Variants in SAMSN1 observed in about 807,000 individuals in gnomAD.
SAMSN1 encodes the protein SAM domain-containing protein SAMSN-1.
A neutral mutation model predicts 42.0 loss-of-function variants in SAMSN1; 31 were observed. That is an observed-to-expected ratio of 0.74 (90% confidence interval 0.55 to 1.00). The LOEUF is 1.00. Ranked by LOEUF, SAMSN1 falls within the 50% of genes least tolerant of loss-of-function variation. The pLI, the probability that SAMSN1 is intolerant of heterozygous loss-of-function variation, is 0.00. For missense variants in SAMSN1, 464 were observed against 439.4 expected (o/e 1.06, Z -0.50); for synonymous variants, 178 against 151.9 (o/e 1.17, Z -1.26).
At chr21:14,602,793 T>C (rs1372685801) in intron 5 of SAMSN1, among the ~76,000 whole-genome samples, 1 of 152,118 alleles carries the variant, frequency 6.6e-6, no homozygotes, top group Non-Finnish European at 1.5e-5. Flanking sequence ...GCCGTTTCCT[T>C]TCACTTTCAC....
chr21:14,524,427 T>G (rs1455556989), intron 1 of SAMSN1, among the ~76,000 whole-genome samples: 1 of 152,182 alleles, frequency 6.6e-6, no homozygotes, highest in Non-Finnish European at 1.5e-5. Flanking sequence ...TTTTAGATAA[T>G]TCTTTGTGTC....
At chr21:14,575,787 G>A (rs994621732) in intron 2 of SAMSN1, among the ~76,000 whole-genome samples, 7 of 152,176 alleles carry the variant, frequency 4.6e-5, no homozygotes, top group Non-Finnish European at 1.0e-4. Context: ...AAGAAAATGA[G>A]AATGGAATCC....
intron 2 of SAMSN1, among the ~76,000 whole-genome samples, chr21:14,624,049 G>T (rs758747976): frequency 5.3e-5 from 8 of 152,044 alleles, no homozygotes; most frequent in Non-Finnish European, 8.8e-5. Flanking sequence ...CGAAATGAAG[G>T]CAAAAAGAAA....
chr21:14,579,638 T>C (rs1054659016), intron 2 of SAMSN1, among the ~76,000 whole-genome samples: 4 of 145,332 alleles, frequency 2.8e-5, no homozygotes, highest in African/African-American at 5.1e-5. Flanking sequence ...TAGAAAATGC[T>C]CACTTTTTTT....
chr21:14,508,925 C>G lies in SAMSN1; in HGVS notation c.561+1385G>C, dbSNP rs181435710. ...TGGGTGGATCACGAGGTCAAGAGAT[C>G]GAGACCATCCTGGCCAACATGCTGA... On this transcript the variant is annotated intron_variant, in intron 5 of 7. Transcript: ENST00000400566. Among the ~76,000 whole-genome samples the G allele has an allele frequency of 5.3e-5, 8 of 151,914 alleles. No individual in the cohort carries two copies. The East Asian group carries it at 9.7e-4, about 18-fold the overall frequency.
chr21:14,585,920 A>G (rs1441104671), upstream of SAMSN1, among the ~76,000 whole-genome samples: 1 of 152,126 alleles, frequency 6.6e-6, no homozygotes. Flanking sequence ...TAATATTATT[A>G]TAAAAGGTAT....
In SAMSN1 at chr21:14,497,369, C is replaced by T. The variant is rs955968209; in HGVS notation, c.919+1073G>A. Among the ~76,000 whole-genome samples, 8 of 152,046 alleles carry T rather than the reference C, an allele frequency of 5.3e-5. No homozygotes were observed. In the East Asian group the frequency reaches 7.7e-4, roughly 15 times the overall value. ...CAGCACTTTGAGAGGCCAAGATGGGCGGATCACTTAAGATCAGGAGTTCGA... is the reference window on the plus strand; with the variant it reads ...CAGCACTTTGAGAGGCCAAGATGGGTGGATCACTTAAGATCAGGAGTTCGA... On this transcript the variant is annotated intron_variant, in intron 7 of 7. Coordinates refer to ENST00000400566, the MANE Select transcript of SAMSN1 (RefSeq NM_022136.5).
chr21:14,631,241 A>G (rs971770898), intron 2 of SAMSN1, among the ~76,000 whole-genome samples: 1 of 152,168 alleles, frequency 6.6e-6, no homozygotes, highest in Non-Finnish European at 1.5e-5. Flanking sequence ...AACACCTGCT[A>G]TTGATCATTT....
At chr21:14,494,314 T>C (rs1051902785) in intron 7 of SAMSN1, among the ~76,000 whole-genome samples, 5 of 152,136 alleles carry the variant, frequency 3.3e-5, no homozygotes, top group African/African-American at 1.2e-4. Flanking sequence ...CCAACCCTAA[T>C]GCCCATCAAT....
At chr21:14,635,730 A>C (rs1185634560) in intron 2 of SAMSN1, among the ~76,000 whole-genome samples, 1 of 152,190 alleles carries the variant, frequency 6.6e-6, no homozygotes, top group African/African-American at 2.4e-5. Context: ...GGTTTGCAGA[A>C]GGAAAGGCAA....
At chr21:14,577,238 GTATATATATATATATATATATATA>G (rs767931839) in intron 2 of SAMSN1, among the ~76,000 whole-genome samples, 12 of 28,190 alleles carry the variant, frequency 4.3e-4, no homozygotes, top group Non-Finnish European at 5.8e-4. Context: ...ATATATGTGT[GTATATATATATATATATATATATA>G]TATATATATA....
intron 2 of SAMSN1, among the ~76,000 whole-genome samples, chr21:14,633,645 A>G (rs1197748455): frequency 6.6e-6 from 1 of 152,216 alleles, no homozygotes; most frequent in Non-Finnish European, 1.5e-5. Context: ...GGACAAATGG[A>G]GCAGGGTAGT....
At chr21:14,564,861 C>T (rs2123206101) in intron 2 of SAMSN1, among the ~76,000 whole-genome samples, 2 of 152,226 alleles carry the variant, frequency 1.3e-5, no homozygotes, top group Middle Eastern at 6.8e-3. Flanking sequence ...CACTCCAAAT[C>T]CACTCAGCAG....
intron 6 of SAMSN1, 67 bp downstream of exon 6, chr21:14,500,462 T>C: frequency 1.5e-6 from 2 of 1,337,752 alleles, no homozygotes; most frequent in Admixed American, 1.8e-5. Flanking sequence ...ACACAAATAC[T>C]GATCCACTCC....
chr21:14,587,376 T>C (rs1010798554), upstream of SAMSN1, among the ~76,000 whole-genome samples: 3 of 152,208 alleles, frequency 2.0e-5, no homozygotes, highest in Non-Finnish European at 4.4e-5. Context: ...TCCTTTACTA[T>C]TTGATATTCA....
At chr21:14,622,448 C>G (rs1362778343) in intron 2 of SAMSN1, among the ~76,000 whole-genome samples, 2 of 152,196 alleles carry the variant, frequency 1.3e-5, no homozygotes, top group Admixed American at 1.3e-4. Context: ...GAGCTGAAAA[C>G]CATGGTACAA....
intron 1 of SAMSN1, among the ~76,000 whole-genome samples, chr21:14,654,992 C>A (rs933810702): frequency 6.6e-6 from 1 of 151,486 alleles, no homozygotes; most frequent in African/African-American, 2.4e-5. Context: ...CATTTAATTC[C>A]AGATGAAATT....
chr21:14,508,596 A>C (rs1002468897), intron 5 of SAMSN1, among the ~76,000 whole-genome samples: 1 of 152,194 alleles, frequency 6.6e-6, no homozygotes, highest in Non-Finnish European at 1.5e-5. Flanking sequence ...GAACACTTCT[A>C]CACTGCTGGT....
At chr21:14,647,704 C>T (rs1384926522) in intron 1 of SAMSN1, among the ~76,000 whole-genome samples, 4 of 136,692 alleles carry the variant, frequency 2.9e-5, no homozygotes, top group African/African-American at 1.1e-4. Flanking sequence ...TCCTTCACAT[C>T]CCTTGTAAGT....
Sources: gnomAD v4.1 joint callset for allele counts (sites outside exome capture counted in the v4.1 genomes callset) on GRCh38, gnomAD v4.1.1 for gene constraint, MANE v1.5 for transcripts, NCBI Gene and HGNC (gene_info 2026-07-23, HGNC 2026-07-21) for gene names.